Variants in CTNNA2 observed in about 807,000 individuals in gnomAD.
CTNNA2 encodes catenin alpha 2.
CTNNA2 carries 42 observed loss-of-function variants against 101.0 expected under a neutral mutation model. The observed-to-expected ratio is 0.42, with a 90% CI of 0.32 to 0.54. CTNNA2 has a LOEUF of 0.54. Ranked by LOEUF, CTNNA2 falls within the 20% of genes least tolerant of loss-of-function variation. The pLI is 0.14. For missense variants in CTNNA2, 871 were observed against 1,223.1 expected (o/e 0.71, Z 4.29); for synonymous variants, 450 against 456.4 (o/e 0.99, Z 0.18).
intron 6 of CTNNA2, among the ~76,000 whole-genome samples, chr2:79,878,078 G>C (rs936051559): frequency 6.6e-6 from 1 of 152,136 alleles, no homozygotes; most frequent in African/African-American, 2.4e-5. Context: ...TTGGTGTTCT[G>C]TTCCTGTGTT....
At position 79,786,381 on chromosome 2, in the gene CTNNA2, A is replaced by G. The variant is rs1036305995; in HGVS notation, c.298+41799A>G. On this transcript the variant is annotated intron_variant, in intron 3 of 18. Coordinates refer to ENST00000402739, the MANE Select transcript of CTNNA2 (RefSeq NM_001282597.3). The stretch of plus-strand genomic sequence containing the variant: ...TGACCTTTTTCCCCCAATTTTATGC[A>G]TGTACTATAAAATGTAAGGTAATGG... Among the ~76,000 whole-genome samples the G allele has an allele frequency of 4.6e-5, 7 of 152,250 alleles. No individual in the cohort carries two copies. The East Asian group carries it at 1.4e-3, about 29-fold the overall frequency.
rs373806254 is a variant in CTNNA2, at chr2:80,499,952, A to G, written c.1291-45030A>G. Among the ~76,000 whole-genome samples the G allele has an allele frequency of 5.6e-4, 85 of 152,156 alleles. No homozygotes were observed. In the East Asian group the frequency reaches 0.015, roughly 27 times the overall value. ...TTCTACAAAAAAAAAAAAAAAGGTT[A>G]AAACATAAAAGGAATTCAGCTTTAG... is the stretch of plus-strand genomic sequence containing the variant. On this transcript the variant is annotated intron_variant, in intron 9 of 18. Transcript: ENST00000402739.
chr2:79,487,550 G>A (rs868207083), intron 4 of CTNNA2, among the ~76,000 whole-genome samples: 4 of 152,336 alleles, frequency 2.6e-5, no homozygotes, highest in Middle Eastern at 6.8e-3. Context: ...CACGCTGGGA[G>A]TTGCCTACAT....
chr2:79,185,599 A>G (rs954151776), intron 1 of CTNNA2: 2 of 152,104 alleles, frequency 1.3e-5, no homozygotes, highest in African/African-American at 4.8e-5. Context: ...GAATTAGCAA[A>G]CCTATTACAG....
At chr2:80,066,291 T>A (rs1697982888) in intron 7 of CTNNA2, among the ~76,000 whole-genome samples, 1 of 152,116 alleles carries the variant, frequency 6.6e-6, no homozygotes, top group Admixed American at 6.5e-5. Flanking sequence ...ACCTATGAAA[T>A]GCGAGGAAAT....
intron 7 of CTNNA2, among the ~76,000 whole-genome samples, chr2:80,256,019 C>T (rs1672112013): frequency 6.6e-6 from 1 of 152,052 alleles, no homozygotes; most frequent in Non-Finnish European, 1.5e-5. Context: ...TTAAATGAAG[C>T]TTTTTCATTG....
At chr2:79,436,067 C>A (rs1383130907) in intron 4 of CTNNA2, among the ~76,000 whole-genome samples, 1 of 152,130 alleles carries the variant, frequency 6.6e-6, no homozygotes, top group East Asian at 1.9e-4. Flanking sequence ...TGGTCTGGGG[C>A]AGAACCAGGA....
intron 1 of CTNNA2, among the ~76,000 whole-genome samples, chr2:79,527,015 T>C (rs1672445379): frequency 6.6e-6 from 1 of 151,978 alleles, no homozygotes; most frequent in African/African-American, 2.4e-5. Flanking sequence ...TTTGACTTTA[T>C]CAAAATTAAA....
At chr2:79,552,192 T>C (rs934569537) in intron 1 of CTNNA2, among the ~76,000 whole-genome samples, 5 of 152,038 alleles carry the variant, frequency 3.3e-5, no homozygotes, top group African/African-American at 1.2e-4. Context: ...ATACTCCCAT[T>C]CCAAAAGGGA....
chr2:80,472,131 A>AG (rs1572974012), intron 9 of CTNNA2, among the ~76,000 whole-genome samples: 1 of 151,324 alleles, frequency 6.6e-6, no homozygotes, highest in African/African-American at 2.4e-5. Context: ...AAAAAAAAAA[A>AG]GGTTAGAAAA....
At chr2:80,304,503 A>G (rs1290840697) in intron 7 of CTNNA2, 2 of 153,310 alleles carry the variant, frequency 1.3e-5, no homozygotes, top group African/African-American at 4.8e-5. Context: ...AGTCTGGTTA[A>G]TGTCCGTCAT....
intron 6 of CTNNA2, among the ~76,000 whole-genome samples, chr2:79,889,478 G>A (rs1266732821): frequency 6.6e-6 from 1 of 152,170 alleles, no homozygotes; most frequent in Non-Finnish European, 1.5e-5. Context: ...GTTTGACCTG[G>A]TTACATTGGC....
At chr2:79,272,337 A>T (rs1375782919) in intron 2 of CTNNA2, among the ~76,000 whole-genome samples, 3 of 151,786 alleles carry the variant, frequency 2.0e-5, no homozygotes, top group African/African-American at 7.3e-5. Flanking sequence ...ATAACAGATT[A>T]AAAAAAAGAG....
intron 9 of CTNNA2, among the ~76,000 whole-genome samples, chr2:80,526,185 T>C (rs941915310): frequency 7.2e-5 from 11 of 152,170 alleles, no homozygotes; most frequent in Non-Finnish European, 1.5e-4. Context: ...TGAACTTCTC[T>C]GTGCCTCGAT....
chr2:79,930,294 GAGAAAGAAAGAAAGAAAGAA>G (rs764326702), intron 7 of CTNNA2, among the ~76,000 whole-genome samples: 3,188 of 121,958 alleles, frequency 0.026, 97 homozygotes, highest in African/African-American at 0.042. Flanking sequence ...GAGAGAGAAA[GAGAAAGAAAGAAAGAAAGAA>G]AGAAAGAAAG....
rs546709400 is a variant in CTNNA2 at position 80,460,330 on chromosome 2, AT to A, written c.1290+40731del. On this transcript the variant is annotated intron_variant, in intron 9 of 18. Transcript: ENST00000402739. ...TGGTCTTTGGAGAATTATAGCACAT[AT>A]TAAGCATGCCTATATCTTGTTCATT... is the stretch of plus-strand genomic sequence containing the variant. Among the ~76,000 whole-genome samples, 370 of 152,198 alleles carry A rather than the reference AT, an allele frequency of 2.4e-3. 1 individual carries two copies. Among genetic ancestry groups the A allele is most frequent in the African/African-American group, 8.2e-3 (340 of 41,532 alleles).
At chr2:79,453,672 A>C (rs1670781113) in intron 4 of CTNNA2, among the ~76,000 whole-genome samples, 1 of 152,158 alleles carries the variant, frequency 6.6e-6, no homozygotes, top group Non-Finnish European at 1.5e-5. Context: ...TATATTTTTC[A>C]GAAAAGGAGG....
intron 7 of CTNNA2, among the ~76,000 whole-genome samples, chr2:80,197,419 C>T (rs1309268402): frequency 1.3e-5 from 2 of 152,082 alleles, no homozygotes; most frequent in East Asian, 1.9e-4. Context: ...TCTTATGTAC[C>T]AAGAAATCAG....
intron 2 of CTNNA2, among the ~76,000 whole-genome samples, chr2:79,671,847 A>T (rs1168838916): frequency 6.6e-6 from 1 of 152,212 alleles, no homozygotes; most frequent in South Asian, 2.1e-4. Flanking sequence ...CATGTGGATT[A>T]CCTGTGTCAT....
Sources: allele counts gnomAD v4.1 joint callset (sites outside exome capture counted in the v4.1 genomes callset), GRCh38; gene constraint gnomAD v4.1.1; transcripts MANE v1.5; gene names NCBI Gene and HGNC (gene_info 2026-07-23, HGNC 2026-07-21).